The following CNTNAP2 variants were observed in gnomAD, a reference collection of about 807,000 sequenced individuals.
The protein encoded by CNTNAP2 is contactin associated protein 2, also known as contactin-associated protein-like 2.
Under a neutral mutation model 155.2 loss-of-function variants are expected in CNTNAP2, and 98 were observed. The ratio of observed to expected loss-of-function variants is 0.63; its 90% CI spans 0.54 to 0.75. The LOEUF (loss-of-function observed/expected upper bound fraction) is 0.75. CNTNAP2 is among the 30% of genes least tolerant of loss of function. The probability of loss-of-function intolerance (pLI) is 0.00; values close to 1 mark genes in which losing one functional copy is unlikely to be tolerated. For synonymous variants in CNTNAP2, 651 were observed against 631.2 expected, an observed-to-expected ratio of 1.03 and a Z score of -0.47; for missense variants, 1,727 against 1,688.1, an observed-to-expected ratio of 1.02 and a Z score of -0.40.
chr7:146,640,452 T>C (rs905217950), intron 1 of CNTNAP2, among the ~76,000 whole-genome samples: 3 of 152,234 alleles, frequency 2.0e-5, no homozygotes, highest in African/African-American at 7.2e-5. Context: ...TGAATTAGCC[T>C]GATGCCTCAT....
intron 4 of CNTNAP2, among the ~76,000 whole-genome samples, chr7:147,064,085 G>C (rs1352344208): frequency 6.6e-6 from 1 of 151,834 alleles, no homozygotes; most frequent in East Asian, 1.9e-4. Context: ...ATGTCCTCTA[G>C]TGGTTTTTAA....
intron 15 of CNTNAP2, among the ~76,000 whole-genome samples, chr7:148,091,844 A>T (rs1286986978): frequency 2.0e-5 from 3 of 152,152 alleles, no homozygotes; most frequent in Non-Finnish European, 2.9e-5. Context: ...ACCTTCCCTG[A>T]CTGCTTGGAA....
At chr7:147,960,720 C>T (rs1585049752) in intron 14 of CNTNAP2, among the ~76,000 whole-genome samples, 1 of 152,184 alleles carries the variant, frequency 6.6e-6, no homozygotes, top group African/African-American at 2.4e-5. Context: ...GTGAGTTATG[C>T]TGTCTCCCTG....
chr7:147,147,081 G>A (rs113131746), intron 8 of CNTNAP2, among the ~76,000 whole-genome samples: 5,883 of 152,148 alleles, frequency 0.039, 344 homozygotes, highest in African/African-American at 0.13. Context: ...GGGAGGCCTC[G>A]GGAAACTTAC....
rs189822916 is a variant in CNTNAP2 at position 148,072,357 on chromosome 7, G to A, written c.2384-45761G>A. On this transcript the variant is annotated intron_variant, in intron 15 of 23. Coordinates refer to ENST00000361727, the MANE Select transcript of CNTNAP2 (RefSeq NM_014141.6). The stretch of plus-strand genomic sequence containing the variant: ...CAGGCTTTTTGAGCCATGTGGTGTC[G>A]GTCACAACTTTTCAACTCTGCCATC... Among the ~76,000 whole-genome samples the A allele has an allele frequency of 6.9e-3, 1,051 of 152,114 alleles. 7 individuals carry two copies. Among genetic ancestry groups the A allele is most frequent in the Middle Eastern group, 0.014 (4 of 294 alleles).
intron 3 of CNTNAP2, among the ~76,000 whole-genome samples, chr7:146,980,029 C>A (rs1005567454): frequency 6.6e-6 from 1 of 152,056 alleles, no homozygotes; most frequent in Admixed American, 6.5e-5. Flanking sequence ...AGGTGGATGT[C>A]CTAGTTGGTT....
At chr7:146,278,841 G>T (rs1365849865) in intron 1 of CNTNAP2, among the ~76,000 whole-genome samples, 2 of 152,138 alleles carry the variant, frequency 1.3e-5, no homozygotes, top group Non-Finnish European at 1.5e-5. Context: ...GCTAAAAATA[G>T]TCATTGACAT....
intron 1 of CNTNAP2, among the ~76,000 whole-genome samples, chr7:146,507,322 C>A (rs1797399226): frequency 6.6e-6 from 1 of 152,150 alleles, no homozygotes; most frequent in Non-Finnish European, 1.5e-5. Context: ...TGCCATAGGC[C>A]CCAGCCAAAA....
chr7:146,717,467 T>G (rs1010955990), intron 1 of CNTNAP2, among the ~76,000 whole-genome samples: 1 of 151,558 alleles, frequency 6.6e-6, no homozygotes, highest in Non-Finnish European at 1.5e-5. Flanking sequence ...TGAGCCAAGA[T>G]CACGCCACTG....
At chr7:147,849,541 G>A (rs187199784) in intron 13 of CNTNAP2, among the ~76,000 whole-genome samples, 2 of 152,194 alleles carry the variant, frequency 1.3e-5, no homozygotes, top group East Asian at 3.9e-4. Context: ...TATCAATTTA[G>A]AGCCAGATAA....
chr7:147,947,054 G>T lies in CNTNAP2; in HGVS notation c.2256-30808G>T, dbSNP rs1051426985. On this transcript the variant is annotated intron_variant, in intron 14 of 23. Coordinates refer to ENST00000361727, the MANE Select transcript of CNTNAP2 (RefSeq NM_014141.6). ...CCAAAGCACGGTGGTCTGGGACAAA[G>T]TTCCTCTGAGCTCTAGGACAGGTGG... Among the ~76,000 whole-genome samples the T allele has an allele frequency of 1.4e-4, 22 of 152,236 alleles. No homozygotes were observed. In the East Asian group the frequency reaches 4.1e-3, roughly 28 times the overall value.
chr7:148,227,745 A>G (rs1795878879), intron 19 of CNTNAP2, among the ~76,000 whole-genome samples: 1 of 152,248 alleles, frequency 6.6e-6, no homozygotes, highest in Admixed American at 6.5e-5. Context: ...ACTCAGAAAT[A>G]GTGAAGGTTT....
intron 13 of CNTNAP2, among the ~76,000 whole-genome samples, chr7:147,690,818 T>A (rs1274453494): frequency 6.6e-6 from 1 of 152,160 alleles, no homozygotes; most frequent in Non-Finnish European, 1.5e-5. Flanking sequence ...TGACCTTAAA[T>A]TGTGTATTTT....
At chr7:147,660,381 C>T (rs17170632) in intron 13 of CNTNAP2, among the ~76,000 whole-genome samples, 11,901 of 152,232 alleles carry the variant, frequency 0.078, 565 homozygotes, top group Middle Eastern at 0.14. Flanking sequence ...TTACTCTTAG[C>T]CCAAGGTCTA....
chr7:147,268,546 A>C (rs1804669084), intron 8 of CNTNAP2, among the ~76,000 whole-genome samples: 1 of 152,152 alleles, frequency 6.6e-6, no homozygotes, highest in Non-Finnish European at 1.5e-5. Flanking sequence ...GCGTAAGGAG[A>C]AATACCTAAT....
chr7:146,117,663 C>T (rs1240169119), intron 1 of CNTNAP2, among the ~76,000 whole-genome samples: 1 of 151,936 alleles, frequency 6.6e-6, no homozygotes, highest in Non-Finnish European at 1.5e-5. Flanking sequence ...TAATTATATT[C>T]AATATGTATA....
intron 9 of CNTNAP2, among the ~76,000 whole-genome samples, chr7:147,362,457 C>T (rs1450308277): frequency 6.6e-6 from 1 of 152,112 alleles, no homozygotes; most frequent in East Asian, 1.9e-4. Context: ...TCTTTTATGT[C>T]CTAGCCTTAG....
intron 14 of CNTNAP2, among the ~76,000 whole-genome samples, chr7:147,970,980 G>A (rs1801322980): frequency 6.6e-6 from 1 of 152,078 alleles, no homozygotes; most frequent in African/African-American, 2.4e-5. Flanking sequence ...TCAAAGGTGA[G>A]GAAAACAGAC....
intron 1 of CNTNAP2, among the ~76,000 whole-genome samples, chr7:146,203,513 A>G (rs2116871609): frequency 6.6e-6 from 1 of 152,230 alleles, no homozygotes; most frequent in East Asian, 1.9e-4. Context: ...CCTCTCCAGG[A>G]CCCTCCAGAA....
Sources: allele counts gnomAD v4.1 joint callset (sites outside exome capture counted in the v4.1 genomes callset), GRCh38; gene constraint gnomAD v4.1.1; transcripts MANE v1.5; gene names NCBI Gene and HGNC (gene_info 2026-07-23, HGNC 2026-07-21).